KCNMB2: variants seen among roughly 807,000 people sequenced by gnomAD.
KCNMB2 encodes potassium calcium-activated channel subfamily M regulatory beta subunit 2, also known as calcium-activated potassium channel subunit beta-2.
In KCNMB2, 9 loss-of-function variants were observed where a neutral mutation model predicts 24.5. The ratio of observed to expected loss-of-function variants is 0.37; its 90% CI spans 0.22 to 0.64. The LOEUF (loss-of-function observed/expected upper bound fraction) is 0.64, where lower values mean the gene tolerates loss of function less well. Among genes scored for constraint, KCNMB2 ranks in the 30% least tolerant of loss-of-function variants. The pLI, the probability that KCNMB2 is intolerant of heterozygous loss-of-function variation, is 0.63. For missense variants in KCNMB2, 226 were observed against 284.3 expected (o/e 0.79, Z 1.47); for synonymous variants, 109 against 104.4 (o/e 1.04, Z -0.27).
chr3:178,839,817 C>A (rs1461513152), intron 4 of KCNMB2, among the ~76,000 whole-genome samples: 1 of 152,146 alleles, frequency 6.6e-6, no homozygotes, highest in African/African-American at 2.4e-5. Context: ...GTGGAAATTA[C>A]GATTTGAGAT....
At chr3:178,813,409 T>C (rs958132911) in intron 2 of KCNMB2, among the ~76,000 whole-genome samples, 1 of 152,204 alleles carries the variant, frequency 6.6e-6, no homozygotes, top group Non-Finnish European at 1.5e-5. Flanking sequence ...ATACCTCTTA[T>C]GTTATATATG....
intron 1 of KCNMB2, among the ~76,000 whole-genome samples, chr3:178,654,727 C>T (rs1035686930): frequency 2.0e-5 from 3 of 152,038 alleles, no homozygotes; most frequent in Non-Finnish European, 2.9e-5. Flanking sequence ...AAGGAAAACA[C>T]AAGAGGCGAG....
chr3:178,839,709 C>T (rs1203281430), intron 4 of KCNMB2, among the ~76,000 whole-genome samples: 1 of 152,094 alleles, frequency 6.6e-6, no homozygotes, highest in Non-Finnish European at 1.5e-5. Flanking sequence ...CACTTTTAAA[C>T]CATCACATCT....
intron 2 of KCNMB2, among the ~76,000 whole-genome samples, chr3:178,812,575 G>A (rs945194102): frequency 2.0e-5 from 3 of 151,718 alleles, no homozygotes; most frequent in African/African-American, 7.3e-5. Context: ...ACATCCTCCT[G>A]CACAGTTTTC....
At chr3:178,726,024 T>G (rs1722957008) in intron 1 of KCNMB2, among the ~76,000 whole-genome samples, 1 of 151,946 alleles carries the variant, frequency 6.6e-6, no homozygotes. Flanking sequence ...TTGACTTTTT[T>G]GGATAATTTA....
intron 1 of KCNMB2, among the ~76,000 whole-genome samples, chr3:178,802,359 A>G (rs972338729): frequency 1.3e-5 from 2 of 152,132 alleles, no homozygotes; most frequent in Admixed American, 6.6e-5. Flanking sequence ...GTTCATTAAG[A>G]GTATCCCAAA....
At chr3:178,835,077 G>A (rs536563474) in intron 4 of KCNMB2, among the ~76,000 whole-genome samples, 2 of 151,364 alleles carry the variant, frequency 1.3e-5, no homozygotes, top group Admixed American at 6.6e-5. Flanking sequence ...CCAAAGCGCC[G>A]AGAAGATTCT....
intron 1 of KCNMB2, among the ~76,000 whole-genome samples, chr3:178,583,619 T>C (rs1016475771): frequency 6.6e-6 from 1 of 152,166 alleles, no homozygotes; most frequent in African/African-American, 2.4e-5. Context: ...AGAATAAAAA[T>C]TTCCTTTTCA....
chr3:178,630,069 T>A lies in KCNMB2; in HGVS notation c.-68+93358T>A, dbSNP rs114681722. On this transcript the variant is annotated intron_variant, in intron 1 of 4. Transcript: ENST00000452583. ...AAAGGAAGAACTCACCCTGCCCCAG[T>A]GTCCACCATATTGCTTTTTTCCTGC... Among the ~76,000 whole-genome samples, 898 of 152,318 alleles carry A rather than the reference T, an allele frequency of 5.9e-3. 10 individuals are homozygous for A. Among genetic ancestry groups the A allele is most frequent in the African/African-American group, 0.021 (854 of 41,576 alleles).
intron 1 of KCNMB2, among the ~76,000 whole-genome samples, chr3:178,721,976 T>C (rs1467992084): frequency 1.1e-4 from 16 of 152,214 alleles, no homozygotes; most frequent in Admixed American, 7.9e-4. Context: ...GTCAGATATG[T>C]AATTTCAAAT....
At chr3:178,698,955 T>G (rs555216450) in intron 1 of KCNMB2, among the ~76,000 whole-genome samples, 31 of 152,338 alleles carry the variant, frequency 2.0e-4, no homozygotes, top group African/African-American at 7.5e-4. Context: ...AACTTTATTA[T>G]CTGGCTCTTC....
intron 1 of KCNMB2, among the ~76,000 whole-genome samples, chr3:178,568,820 AG>A (rs1183108693): frequency 7.4e-5 from 6 of 81,288 alleles, no homozygotes; most frequent in African/African-American, 1.2e-4. Flanking sequence ...GATAGATAAT[AG>A]ATAGATAGAT....
In KCNMB2 at chr3:178,595,637, C is replaced by T. The variant is rs1297510848; in HGVS notation, c.-68+58926C>T. Among the ~76,000 whole-genome samples, 6 of 152,200 alleles carry T rather than the reference C, an allele frequency of 3.9e-5. No individual in the cohort carries two copies. The East Asian group carries it at 9.7e-4, about 25-fold the overall frequency. ...ATTAGCTGGGCATTCATTCTCCTTC[C>T]TGCTGCCATGTGAAAAAGGATGTGT... On this transcript the variant is annotated intron_variant, in intron 1 of 4. Coordinates refer to ENST00000452583, the MANE Select transcript of KCNMB2 (RefSeq NM_181361.3).
chr3:178,759,331 A>C (rs149710940), intron 1 of KCNMB2, among the ~76,000 whole-genome samples: 1,865 of 80,136 alleles, frequency 0.023, 178 homozygotes, highest in Non-Finnish European at 0.032. Flanking sequence ...ATATATATAT[A>C]TATCTCCAAG....
intron 1 of KCNMB2, among the ~76,000 whole-genome samples, chr3:178,759,828 C>A (rs1394569319): frequency 1.2e-4 from 1 of 8,172 alleles, no homozygotes; most frequent in Non-Finnish European, 1.9e-4. Flanking sequence ...ATATATATAT[C>A]CAAGAGGATA....
chr3:178,593,036 G>A (rs1227555769), intron 1 of KCNMB2, among the ~76,000 whole-genome samples: 1 of 152,008 alleles, frequency 6.6e-6, no homozygotes, highest in African/African-American at 2.4e-5. Flanking sequence ...CGAGCAGAGG[G>A]AAGGGGGCTC....
intron 1 of KCNMB2, among the ~76,000 whole-genome samples, chr3:178,571,479 T>TAC (rs1716793651): frequency 1.4e-5 from 2 of 140,724 alleles, no homozygotes; most frequent in African/African-American, 5.2e-5. Context: ...TATATATATA[T>TAC]ATATATACTT....
At chr3:178,585,594 A>T (rs1331937850) in intron 1 of KCNMB2, among the ~76,000 whole-genome samples, 1 of 152,196 alleles carries the variant, frequency 6.6e-6, no homozygotes, top group African/African-American at 2.4e-5. Flanking sequence ...GGGTATTTGA[A>T]TATACCAAGC....
In KCNMB2 at chr3:178,536,490, T is replaced by C. The variant is rs572778345; in HGVS notation, c.-289T>C. 3 of 152,238 alleles carry C rather than the reference T, an allele frequency of 2.0e-5. No homozygotes were observed. Among genetic ancestry groups the C allele is most frequent in the Non-Finnish European group, 4.4e-5 (3 of 68,058 alleles). The allele number at this position is 152,238 out of a possible 1,614,324, so 9.4% of individuals were successfully genotyped here. A position where few individuals can be genotyped will look rare whatever the true frequency, so the allele number is the denominator to read the frequency against. Reference sequence around the variant, plus strand: ...ATAACTAATTTCAAGCATGGCTGTCTAGCGTGCCTGTCACTCCTATTGTCC... The same window carrying C: ...ATAACTAATTTCAAGCATGGCTGTCCAGCGTGCCTGTCACTCCTATTGTCC... On this transcript the variant is annotated 5_prime_UTR_variant, in exon 1 of 5. It removes the in-frame stop codon of an upstream open reading frame in the 5' UTR. Transcript: ENST00000452583.
Sources: allele counts gnomAD v4.1 joint callset (sites outside exome capture counted in the v4.1 genomes callset), GRCh38; gene constraint gnomAD v4.1.1; transcripts MANE v1.5; gene names NCBI Gene and HGNC (gene_info 2026-07-23, HGNC 2026-07-21).